The following ADAMTS3 variants were observed in gnomAD, a reference collection of about 807,000 sequenced individuals.
The protein encoded by ADAMTS3 is ADAM metallopeptidase with thrombospondin type 1 motif 3.
Under a neutral mutation model 129.0 loss-of-function variants are expected in ADAMTS3, and 73 were observed. That is an observed-to-expected ratio of 0.57 (90% CI 0.47 to 0.69). The LOEUF (loss-of-function observed/expected upper bound fraction) is 0.69, where lower values mean the gene tolerates loss of function less well. Among genes scored for constraint, ADAMTS3 ranks in the 30% least tolerant of loss-of-function variants. The pLI, the probability that ADAMTS3 is intolerant of heterozygous loss-of-function variation, is 0.00. For missense variants in ADAMTS3, 1,457 were observed against 1,514.5 expected (o/e 0.96, Z 0.63); for synonymous variants, 477 against 510.8 (o/e 0.93, Z 0.89).
At chr4:72,361,217 G>T (rs1720719083) in intron 4 of ADAMTS3, among the ~76,000 whole-genome samples, 1 of 152,082 alleles carries the variant, frequency 6.6e-6, no homozygotes, top group African/African-American at 2.4e-5. Context: ...TCCCCTTATT[G>T]CTCCATTTCC....
chr4:72,356,501 C>T (rs1285674078), intron 4 of ADAMTS3, among the ~76,000 whole-genome samples: 1 of 151,654 alleles, frequency 6.6e-6, no homozygotes, highest in Non-Finnish European at 1.5e-5. Flanking sequence ...ACTCACTGTG[C>T]TTTCACAGTC....
intron 4 of ADAMTS3, among the ~76,000 whole-genome samples, chr4:72,370,648 G>T (rs1720982381): frequency 6.6e-6 from 1 of 152,098 alleles, no homozygotes; most frequent in African/African-American, 2.4e-5. Context: ...TACTCAGGAG[G>T]TTGAGGCAGA....
chr4:72,292,389 T>C (rs528471836), intron 19 of ADAMTS3, among the ~76,000 whole-genome samples: 1 of 152,370 alleles, frequency 6.6e-6, no homozygotes, highest in Admixed American at 6.5e-5. Context: ...GACATATCTA[T>C]ACTGTTTGGA....
At chr4:72,404,899 AC>A (rs932783466) in intron 4 of ADAMTS3, among the ~76,000 whole-genome samples, 2 of 151,928 alleles carry the variant, frequency 1.3e-5, no homozygotes, top group African/African-American at 4.8e-5. Flanking sequence ...TGGGTGAAGG[AC>A]TTGAATAGAC....
chr4:72,499,204 G>A (rs80132131), intron 3 of ADAMTS3, among the ~76,000 whole-genome samples: 6,229 of 152,220 alleles, frequency 0.041, 142 homozygotes, highest in Non-Finnish European at 0.048. Context: ...TCTACAGTCT[G>A]TGAAATGCAA....
Position 72,318,628 on chromosome 4 carries a change from A to C in ADAMTS3, c.1429T>G (p.Ser477Ala). The C allele has an allele frequency of 6.2e-7, 1 of 1,613,866 alleles. No homozygotes were observed. The highest frequency in any genetic ancestry group is 1.1e-5 in the South Asian group (1 of 91,074). The change falls in exon 10 of 22, where the codon TCT (serine) becomes GCT (alanine). Residue 477 changes from serine (S) to alanine (A), a missense_variant. Transcript: ENST00000286657. ...KLPELPGINY[S>A]MDEQCRFDFG... ...TCAAAACGACATTGCTCATCCATAG[A>C]ATAATTGATTCCAGGAAGTTCTGGG...
intron 3 of ADAMTS3, among the ~76,000 whole-genome samples, chr4:72,539,489 C>T (rs1578777305): frequency 3.8e-5 from 1 of 26,464 alleles, no homozygotes; most frequent in Non-Finnish European, 7.2e-5. Flanking sequence ...TGGCTACTAT[C>T]AGAAAAAAAA....
At chr4:72,434,508 G>A (rs879137797) in intron 3 of ADAMTS3, among the ~76,000 whole-genome samples, 1 of 151,592 alleles carries the variant, frequency 6.6e-6, no homozygotes, top group Admixed American at 6.6e-5. Flanking sequence ...CTAAACCTCT[G>A]AGGTTGGGTC....
intron 3 of ADAMTS3, among the ~76,000 whole-genome samples, chr4:72,445,583 T>C (rs985922041): frequency 6.6e-6 from 1 of 151,672 alleles, no homozygotes; most frequent in African/African-American, 2.4e-5. Context: ...AAAAACAAAA[T>C]GATAAAATCT....
intron 4 of ADAMTS3, among the ~76,000 whole-genome samples, chr4:72,383,666 G>T (rs1721359871): frequency 6.6e-6 from 1 of 152,158 alleles, no homozygotes; most frequent in Admixed American, 6.5e-5. Context: ...TCTGATACCA[G>T]CCACAGTGTC....
intron 3 of ADAMTS3, among the ~76,000 whole-genome samples, chr4:72,545,802 T>C (rs1446428764): frequency 5.3e-5 from 8 of 152,192 alleles, no homozygotes; most frequent in African/African-American, 1.9e-4. Context: ...TTACAGCAGA[T>C]ATGCAAATGT....
chr4:72,298,464 T>C (rs1718865579), intron 17 of ADAMTS3, 22 bp from the exon 18 acceptor site: 2 of 1,544,182 alleles, frequency 1.3e-6, no homozygotes, highest in Non-Finnish European at 1.8e-6. Flanking sequence ...ATGAAATCAA[T>C]ATGTAAATCA....
chr4:72,312,695 A>G (rs775252536), intron 12 of ADAMTS3, among the ~76,000 whole-genome samples: 1 of 152,128 alleles, frequency 6.6e-6, no homozygotes, highest in Non-Finnish European at 1.5e-5. Context: ...TTCAAATCAT[A>G]TATTTTAAAT....
At chr4:72,529,341 G>A (rs1270360268) in intron 3 of ADAMTS3, among the ~76,000 whole-genome samples, 2 of 151,918 alleles carry the variant, frequency 1.3e-5, no homozygotes, top group Admixed American at 6.6e-5. Context: ...AAACTTTCAG[G>A]CCCCTCTACA....
intron 3 of ADAMTS3, among the ~76,000 whole-genome samples, chr4:72,451,874 A>C (rs1273291097): frequency 1.3e-5 from 2 of 151,710 alleles, no homozygotes; most frequent in African/African-American, 4.8e-5. Context: ...AAATTTGAGG[A>C]TTGCTTGAGC....
At chr4:72,437,280 C>A (rs1465271063) in intron 3 of ADAMTS3, among the ~76,000 whole-genome samples, 2 of 151,744 alleles carry the variant, frequency 1.3e-5, no homozygotes, top group African/African-American at 2.4e-5. Flanking sequence ...AGTGTTGTTC[C>A]ACAGACATAA....
chr4:72,442,745 C>A (rs1044378563), intron 3 of ADAMTS3, among the ~76,000 whole-genome samples: 1 of 151,792 alleles, frequency 6.6e-6, no homozygotes, highest in Non-Finnish European at 1.5e-5. Context: ...ACCCAGAGTG[C>A]CAAAGGGCGC....
chr4:72,423,448 T>A (rs1871813), intron 3 of ADAMTS3, among the ~76,000 whole-genome samples: 53,978 of 152,030 alleles, frequency 0.36, 10,537 homozygotes, highest in South Asian at 0.58. Flanking sequence ...ATTCTGTGAA[T>A]CACCGTTTCA....
chr4:72,363,243 A>G (rs576303471), intron 4 of ADAMTS3, among the ~76,000 whole-genome samples: 65 of 152,326 alleles, frequency 4.3e-4, no homozygotes, highest in Middle Eastern at 3.4e-3. Flanking sequence ...AGGAGATAGT[A>G]TGGAAACATA....
Sources: gnomAD v4.1 joint callset for allele counts (sites outside exome capture counted in the v4.1 genomes callset) on GRCh38, gnomAD v4.1.1 for gene constraint, MANE v1.5 for transcripts, NCBI Gene and HGNC (gene_info 2026-07-23, HGNC 2026-07-21) for gene names.